Variants in SERPINI2 observed in about 807,000 individuals in gnomAD.
The protein encoded by SERPINI2 is serpin family I member 2, also known as serpin I2.
A neutral mutation model predicts 47.3 loss-of-function variants in SERPINI2; 48 were observed. That is an observed-to-expected ratio of 1.02 (90% CI 0.81 to 1.29). The LOEUF (loss-of-function observed/expected upper bound fraction) is 1.29. Among genes scored for constraint, SERPINI2 ranks in the 50% most tolerant of loss-of-function variants. The pLI, the probability that SERPINI2 is intolerant of heterozygous loss-of-function variation, is 0.00. For missense variants in SERPINI2, 448 were observed against 456.9 expected (o/e 0.98, Z 0.18); for synonymous variants, 135 against 149.3 (o/e 0.90, Z 0.70).
chr3:167,462,578 T>C (rs1359941391), intron 5 of SERPINI2, among the ~76,000 whole-genome samples: 1 of 152,234 alleles, frequency 6.6e-6, no homozygotes, highest in African/African-American at 2.4e-5. Flanking sequence ...GTAAAAATCT[T>C]GTCTCCAAAT....
At chr3:167,469,741 C>T (rs186116684) in intron 2 of SERPINI2, among the ~76,000 whole-genome samples, 2 of 152,206 alleles carry the variant, frequency 1.3e-5, no homozygotes, top group East Asian at 3.9e-4. Context: ...ACTGAGGACA[C>T]TGAGAGCCTT....
At chr3:167,463,977 C>T (rs1480635020) in intron 5 of SERPINI2, among the ~76,000 whole-genome samples, 1 of 144,238 alleles carries the variant, frequency 6.9e-6, no homozygotes, top group African/African-American at 2.6e-5. Context: ...TCAACAGTTG[C>T]AGTAGTTGCA....
At chr3:167,459,336 AGT>A (rs1480001004) in intron 5 of SERPINI2, among the ~76,000 whole-genome samples, 1 of 152,024 alleles carries the variant, frequency 6.6e-6, no homozygotes, top group African/African-American at 2.4e-5. Flanking sequence ...AGCCTCCCAA[AGT>A]GCTGGGACTA....
chr3:167,476,318 A>T (rs2108179271), upstream of SERPINI2, among the ~76,000 whole-genome samples: 1 of 151,974 alleles, frequency 6.6e-6, no homozygotes, highest in African/African-American at 2.4e-5. Flanking sequence ...TAAGACACAG[A>T]AAAAAAGACA....
At position 167,446,339 on chromosome 3, in the gene SERPINI2, A is replaced by T. The variant is rs575486387; in HGVS notation, c.1141+53T>A. ...ATGTACATTGCAATTAGAAACTGGA[A>T]CTAGTTCTGCTTAACATAATCAGTT... is the stretch of plus-strand genomic sequence containing the variant. On this transcript the variant is annotated intron_variant, in intron 8 of 8. Transcript: ENST00000264677. 5.4e-5 allele frequency: 66 copies of T among 1,221,070 alleles called. No homozygotes were observed. In the South Asian group the frequency reaches 8.6e-4, roughly 16 times the overall value. The allele number at this position is 1,221,070 out of a possible 1,614,324, so 75.6% of individuals were successfully genotyped here.
chr3:167,476,925 T>A (rs1750495630), upstream of SERPINI2, among the ~76,000 whole-genome samples: 1 of 151,990 alleles, frequency 6.6e-6, no homozygotes, highest in Admixed American at 6.6e-5. Flanking sequence ...CCATTAAATT[T>A]CTGGGCATGT....
Position 167,469,105 on chromosome 3 carries a change from A to G in SERPINI2, c.248-1820T>C, listed in dbSNP as rs559938298. Among the ~76,000 whole-genome samples, 6 of 152,310 alleles carry G rather than the reference A, an allele frequency of 3.9e-5. No homozygotes were observed. In the East Asian group the frequency reaches 1.2e-3, roughly 29 times the overall value. ...GTACAAGTTTGGAGAAGAATATAAC[A>G]TTATCTGCCCTATAAATTTTATTTC... On this transcript the variant is annotated intron_variant, in intron 2 of 8. Transcript: ENST00000264677.
chr3:167,446,460 A>C, exon 8 of SERPINI2: 1 of 1,607,058 alleles, frequency 6.2e-7, no homozygotes, highest in Non-Finnish European at 8.5e-7. Flanking sequence ...AGCCAGACTC[A>C]TGATCACAGG....
rs142720720 is a variant in SERPINI2, at chr3:167,472,777, G to T, written c.-10-933C>A. On this transcript the variant is annotated intron_variant, in intron 1 of 8. Transcript: ENST00000264677. The stretch of plus-strand genomic sequence containing the variant: ...AAAATTGCAGGAAATTCAACCATTT[G>T]ATTATATCTCAAGCAGAATTAGTTT... 1.9e-3 allele frequency among the ~76,000 whole-genome samples: 290 copies of T among 151,856 alleles called. 1 individual carries two copies. Among genetic ancestry groups the T allele is most frequent in the African/African-American group, 6.8e-3 (282 of 41,480 alleles).
At position 167,465,626 on chromosome 3, in the gene SERPINI2, G is replaced by GA. The variant is rs757461308; in HGVS notation, c.525dup (p.Arg176SerfsTer30). The GA allele has an allele frequency of 1.2e-6, 2 of 1,611,670 alleles. No individual in the cohort carries two copies. The highest frequency in any genetic ancestry group is 1.7e-6 in the Non-Finnish European group (2 of 1,179,594). On this transcript the variant is annotated frameshift_variant, in exon 4 of 9. Coordinates refer to ENST00000264677, the Ensembl canonical transcript of SERPINI2. LOFTEE classifies it high-confidence loss of function. ...TAAATAGCATTCACCAGGACAAGCC[G>GA]AGTCAGAGGGCCAAATTCTTCCCCT...
At chr3:167,448,390 G>A (rs934047437) in intron 7 of SERPINI2, among the ~76,000 whole-genome samples, 1 of 152,206 alleles carries the variant, frequency 6.6e-6, no homozygotes, top group African/African-American at 2.4e-5. Context: ...AAGCACTATG[G>A]AGCACTGGTT....
At chr3:167,446,575 A>G (rs977415958) in intron 7 of SERPINI2, 94 bp from the exon 8 acceptor site, 3 of 791,236 alleles carry the variant, frequency 3.8e-6, no homozygotes, top group Non-Finnish European at 6.0e-6. Flanking sequence ...AGGAAAAGTC[A>G]TTTTGTGTAA....
intron 1 of SERPINI2, 27 bp downstream of exon 1, chr3:167,473,976 A>G: frequency 8.5e-7 from 1 of 1,173,570 alleles, no homozygotes; most frequent in Non-Finnish European, 1.1e-6. Flanking sequence ...TACTTATTCA[A>G]AAGCTATTTA....
chr3:167,465,505 A>G (rs61761893), exon 4 of SERPINI2: 12 of 1,613,688 alleles, frequency 7.4e-6, no homozygotes, highest in Non-Finnish European at 1.0e-5. Context: ...AAGAGCCTTC[A>G]TCATTGGAAT....
At chr3:167,469,734 G>A (rs1209685925) in intron 2 of SERPINI2, among the ~76,000 whole-genome samples, 3 of 152,106 alleles carry the variant, frequency 2.0e-5, no homozygotes, top group Non-Finnish European at 4.4e-5. Flanking sequence ...AAGGAGAACT[G>A]AGGACACTGA....
At chr3:167,465,107 C>G (rs1371431722) in intron 5 of SERPINI2, 99 bp downstream of exon 5, 1 of 1,063,126 alleles carries the variant, frequency 9.4e-7, no homozygotes, top group African/African-American at 1.6e-5. Context: ...TCATTTGTGT[C>G]AATAGACTTT....
intron 5 of SERPINI2, among the ~76,000 whole-genome samples, chr3:167,461,738 G>T (rs1015171632): frequency 4.6e-5 from 7 of 152,008 alleles, no homozygotes; most frequent in Middle Eastern, 3.4e-3. Flanking sequence ...ATCCTCCACG[G>T]TAGCTGGGAC....
chr3:167,452,077 T>G (rs911475834), intron 6 of SERPINI2, among the ~76,000 whole-genome samples: 1 of 152,202 alleles, frequency 6.6e-6, no homozygotes, highest in African/African-American at 2.4e-5. Flanking sequence ...GCCCATATAA[T>G]TGATGGGTGA....
chr3:167,471,786 G>T, exon 2 of SERPINI2: 1 of 1,613,188 alleles, frequency 6.2e-7, no homozygotes, highest in South Asian at 1.1e-5. Context: ...CTTGAGGCTT[G>T]ACTTCCAAAA....
Sources: gnomAD v4.1 joint callset for allele counts (sites outside exome capture counted in the v4.1 genomes callset) on GRCh38, gnomAD v4.1.1 for gene constraint, MANE v1.5 for transcripts, NCBI Gene and HGNC (gene_info 2026-07-23, HGNC 2026-07-21) for gene names.